ENTREP2: variants seen among roughly 807,000 people sequenced by gnomAD.
The protein encoded by ENTREP2 is endosomal transmembrane epsin interactor 2, also known as protein ENTREP2.
At chr15:29,234,004 T>C in the ENTREP2 span, 2 of 1,494,468 alleles carry the variant, frequency 1.3e-6, no homozygotes, top group Non-Finnish European at 1.9e-6. Flanking sequence ...TTGAAATATC[T>C]GATTGACTTG....
chr15:29,666,259 C>T, the ENTREP2 span, among the ~76,000 whole-genome samples: 5 of 152,258 alleles, frequency 3.3e-5, no homozygotes, highest in Admixed American at 3.3e-4. Flanking sequence ...TCCCTCCTCC[C>T]CAGCCACCTT....
the ENTREP2 span, among the ~76,000 whole-genome samples, chr15:29,274,578 G>C: frequency 1.3e-5 from 2 of 152,158 alleles, no homozygotes; most frequent in Non-Finnish European, 2.9e-5. Flanking sequence ...AGTGAGATAG[G>C]TTTACCCAGT....
chr15:29,223,488 C>G, the ENTREP2 span, among the ~76,000 whole-genome samples: 13 of 152,256 alleles, frequency 8.5e-5, no homozygotes, highest in East Asian at 1.7e-3. Context: ...GACATGCTAG[C>G]GGGGAGTCCA....
the ENTREP2 span, among the ~76,000 whole-genome samples, chr15:29,574,422 T>C: frequency 6.6e-6 from 1 of 152,154 alleles, no homozygotes; most frequent in Non-Finnish European, 1.5e-5. Context: ...GCCTCCTGAG[T>C]AGCTGGGACT....
At chr15:29,248,343 A>G in the ENTREP2 span, among the ~76,000 whole-genome samples, 10 of 152,316 alleles carry the variant, frequency 6.6e-5, no homozygotes, top group African/African-American at 2.4e-4. Flanking sequence ...ACAAAGAGAA[A>G]CATTGGTAAA....
the ENTREP2 span, chr15:29,126,394 G>T: frequency 1.3e-6 from 2 of 1,547,586 alleles, no homozygotes; most frequent in Non-Finnish European, 1.7e-6. Context: ...GGGCAGGTTC[G>T]GAGGGTGCTG....
chr15:29,243,524 A>G, the ENTREP2 span, among the ~76,000 whole-genome samples: 1 of 152,168 alleles, frequency 6.6e-6, no homozygotes, highest in Non-Finnish European at 1.5e-5. Flanking sequence ...CAACTATAAA[A>G]GGGGGAAAAT....
chr15:29,599,204 G>A, the ENTREP2 span, among the ~76,000 whole-genome samples: 1 of 152,250 alleles, frequency 6.6e-6, no homozygotes, highest in African/African-American at 2.4e-5. Flanking sequence ...AGGGAAGATA[G>A]GTTCAAATGT....
At chr15:29,586,673 C>T in the ENTREP2 span, among the ~76,000 whole-genome samples, 4 of 151,260 alleles carry the variant, frequency 2.6e-5, no homozygotes, top group East Asian at 2.0e-4. Flanking sequence ...CACTTGAACC[C>T]GGGACGGGGA....
the ENTREP2 span, among the ~76,000 whole-genome samples, chr15:29,651,083 T>C: frequency 1.3e-5 from 2 of 152,190 alleles, no homozygotes; most frequent in Non-Finnish European, 2.9e-5. Context: ...GCTGAGAATT[T>C]TACCTCTAGT....
the ENTREP2 span, among the ~76,000 whole-genome samples, chr15:29,478,242 T>C: frequency 6.6e-6 from 1 of 151,768 alleles, no homozygotes; most frequent in Non-Finnish European, 1.5e-5. Flanking sequence ...TTAGCCAGAA[T>C]GGTCTCGATC....
At chr15:29,594,994 G>C in the ENTREP2 span, among the ~76,000 whole-genome samples, 1 of 147,844 alleles carries the variant, frequency 6.8e-6, no homozygotes, top group Non-Finnish European at 1.5e-5. Flanking sequence ...CGTGAACCCA[G>C]GAGGCGGAGC....
the ENTREP2 span, among the ~76,000 whole-genome samples, chr15:29,127,616 T>C: frequency 6.6e-6 from 1 of 152,196 alleles, no homozygotes; most frequent in East Asian, 1.9e-4. Context: ...AGGAGAGTCC[T>C]GACCCCTGTA....
the ENTREP2 span, among the ~76,000 whole-genome samples, chr15:29,454,125 A>G: frequency 6.6e-6 from 1 of 152,210 alleles, no homozygotes; most frequent in East Asian, 1.9e-4. Context: ...GAGAATAATT[A>G]TGAGACTGCA....
chr15:29,212,263 TAA>T, the ENTREP2 span, among the ~76,000 whole-genome samples: 1 of 152,206 alleles, frequency 6.6e-6, no homozygotes, highest in Admixed American at 6.5e-5. Flanking sequence ...TTTATGTGTG[TAA>T]AGTTATTCAC....
At chr15:29,466,865 T>C in the ENTREP2 span, among the ~76,000 whole-genome samples, 7 of 121,220 alleles carry the variant, frequency 5.8e-5, no homozygotes, top group East Asian at 7.9e-4. Flanking sequence ...CAGGGGAGGA[T>C]GCTGCAGCCC....
the ENTREP2 span, among the ~76,000 whole-genome samples, chr15:29,640,649 C>CAAACAAAACA: frequency 0.021 from 3,195 of 149,728 alleles, 102 homozygotes; most frequent in African/African-American, 0.069. Flanking sequence ...GGGCCTGTCT[C>CAAACAAAACA]AAACAAAACA....
At chr15:29,153,315 C>T in the ENTREP2 span, among the ~76,000 whole-genome samples, 1 of 152,242 alleles carries the variant, frequency 6.6e-6, no homozygotes, top group East Asian at 1.9e-4. Context: ...ATACCATAGA[C>T]CAGGTAGCTC....
chr15:29,147,111 AC>A, the ENTREP2 span, among the ~76,000 whole-genome samples: 2 of 152,214 alleles, frequency 1.3e-5, no homozygotes, highest in African/African-American at 4.8e-5. Flanking sequence ...AAGATAACCC[AC>A]AGGGTGGGAG....
Sources: gnomAD v4.1 joint callset for allele counts (sites outside exome capture counted in the v4.1 genomes callset) on GRCh38, gnomAD v4.1.1 for gene constraint, MANE v1.5 for transcripts, NCBI Gene and HGNC (gene_info 2026-07-23, HGNC 2026-07-21) for gene names.